The following CDH18 variants were observed in gnomAD, a reference collection of about 807,000 sequenced individuals.
The protein encoded by CDH18 is cadherin 18, also known as cadherin-18.
Under a neutral mutation model 67.9 loss-of-function variants are expected in CDH18, and 31 were observed. The observed-to-expected ratio is 0.46, with a 90% CI of 0.34 to 0.62. The LOEUF (loss-of-function observed/expected upper bound fraction) is 0.62. CDH18 is among the 20% of genes least tolerant of loss of function. The pLI is 0.01. For synonymous variants in CDH18, 362 were observed against 347.2 expected (o/e 1.04, Z -0.48); for missense variants, 890 against 975.5 (o/e 0.91, Z 1.17).
chr5:19,505,855 C>T (rs1208700784), intron 10 of CDH18, among the ~76,000 whole-genome samples: 1 of 152,064 alleles, frequency 6.6e-6, no homozygotes, highest in Non-Finnish European at 1.5e-5. Context: ...GGAGGATTCC[C>T]TATTTTTCTA....
intron 2 of CDH18, among the ~76,000 whole-genome samples, chr5:20,115,584 A>G (rs1397757875): frequency 6.6e-6 from 1 of 151,880 alleles, no homozygotes; most frequent in African/African-American, 2.4e-5. Context: ...ATTATCCCCC[A>G]AAGGCCCTAC....
chr5:19,554,898 G>C (rs1738113783), intron 8 of CDH18, among the ~76,000 whole-genome samples: 1 of 151,876 alleles, frequency 6.6e-6, no homozygotes, highest in East Asian at 1.9e-4. Context: ...ATCTAAGGGG[G>C]AAAAAAAGCA....
intron 7 of CDH18, among the ~76,000 whole-genome samples, chr5:19,585,831 C>T (rs6877651): frequency 0.2 from 30,835 of 152,068 alleles, 3,399 homozygotes; most frequent in East Asian, 0.39. Context: ...TCTCTCTCCA[C>T]CTCATCACAA....
At chr5:19,621,217 T>A (rs368917298) in intron 5 of CDH18, among the ~76,000 whole-genome samples, 2 of 16,872 alleles carry the variant, frequency 1.2e-4, no homozygotes. Context: ...AGAACCCAGG[T>A]TTTTTTTTTT....
intron 8 of CDH18, among the ~76,000 whole-genome samples, chr5:19,555,732 G>A (rs943322546): frequency 6.6e-6 from 1 of 152,138 alleles, no homozygotes; most frequent in African/African-American, 2.4e-5. Context: ...GAGCCGTATG[G>A]CTCTGTTGAC....
rs1382210279 is a variant in CDH18, at chr5:19,963,381, T to A, written c.-257+17679A>T. On this transcript the variant is annotated intron_variant, in intron 2 of 12. Coordinates refer to ENST00000382275, the MANE Select transcript of CDH18 (RefSeq NM_004934.5). ...GCCTGGATAATCAATATGGTTTGGC[T>A]GTGTCCCCACCCAAATCTCATCTTG... is the stretch of plus-strand genomic sequence containing the variant. Among the ~76,000 whole-genome samples the A allele has an allele frequency of 4.6e-5, 7 of 152,214 alleles. No individual in the cohort carries two copies. In the East Asian group the frequency reaches 1.4e-3, roughly 30 times the overall value.
chr5:20,042,679 A>C (rs905647566), intron 2 of CDH18, among the ~76,000 whole-genome samples: 1 of 152,140 alleles, frequency 6.6e-6, no homozygotes, highest in African/African-American at 2.4e-5. Context: ...AAAACATTTT[A>C]TGGGCCGGGT....
At chr5:20,199,584 A>G (rs1415348035) in intron 2 of CDH18, among the ~76,000 whole-genome samples, 1 of 152,070 alleles carries the variant, frequency 6.6e-6, no homozygotes, top group Non-Finnish European at 1.5e-5. Context: ...TTTTTGGTTA[A>G]TTCTGGAATG....
At chr5:19,927,047 C>T (rs1160839864) in intron 2 of CDH18, among the ~76,000 whole-genome samples, 1 of 152,128 alleles carries the variant, frequency 6.6e-6, no homozygotes. Flanking sequence ...TTGGCCTTGA[C>T]AGTGTCGAGA....
chr5:20,231,872 TG>T (rs1456453381), intron 2 of CDH18, among the ~76,000 whole-genome samples: 1 of 152,054 alleles, frequency 6.6e-6, no homozygotes, highest in East Asian at 1.9e-4. Flanking sequence ...CATGAATGTC[TG>T]TACTATAAAA....
chr5:19,826,235 GA>G (rs1378421010), intron 3 of CDH18, among the ~76,000 whole-genome samples: 1 of 152,104 alleles, frequency 6.6e-6, no homozygotes, highest in Non-Finnish European at 1.5e-5. Flanking sequence ...ATTATGTAAA[GA>G]GACCAAATCT....
intron 2 of CDH18, among the ~76,000 whole-genome samples, chr5:20,172,999 AAAAAG>A (rs550689060): frequency 1.3e-3 from 195 of 152,088 alleles, no homozygotes; most frequent in Middle Eastern, 6.8e-3. Context: ...TCAAAAAAAA[AAAAAG>A]AAAGAAAGAA....
chr5:19,554,291 T>C (rs1684834), intron 8 of CDH18, among the ~76,000 whole-genome samples: 8,592 of 152,272 alleles, frequency 0.056, 263 homozygotes, highest in African/African-American at 0.076. Flanking sequence ...ATATCAGAAA[T>C]TGCATTAATC....
At chr5:19,730,208 A>G (rs1767408687) in intron 4 of CDH18, among the ~76,000 whole-genome samples, 1 of 152,122 alleles carries the variant, frequency 6.6e-6, no homozygotes, top group Non-Finnish European at 1.5e-5. Flanking sequence ...ACAGGGTACT[A>G]TTTGACTTTT....
Position 20,480,550 on chromosome 5 carries a change from TG to T in CDH18, c.-580+94911del, listed in dbSNP as rs199738916. Among the ~76,000 whole-genome samples the T allele has an allele frequency of 3.0e-3, 452 of 152,190 alleles. 5 individuals are homozygous for T. The highest frequency in any genetic ancestry group is 0.026 in the Admixed American group (401 of 15,282). On this transcript the variant is annotated intron_variant, in intron 1 of 14. Coordinates refer to the CDH18 transcript ENST00000507958. ...CTCATGCTTTTGCCTCCCAAGTAGC[TG>T]GGATTACAGGTATGTGCCACCACAC...
chr5:20,348,143 T>C (rs548837711), intron 1 of CDH18, among the ~76,000 whole-genome samples: 2 of 152,302 alleles, frequency 1.3e-5, no homozygotes, highest in African/African-American at 4.8e-5. Context: ...GATCTTCTAG[T>C]AAATTTGTGG....
intron 12 of CDH18, among the ~76,000 whole-genome samples, chr5:19,474,427 A>G (rs1219041024): frequency 6.6e-6 from 1 of 152,008 alleles, no homozygotes; most frequent in East Asian, 1.9e-4. Flanking sequence ...GCTTTACTCT[A>G]TTTTTAACCC....
intron 2 of CDH18, among the ~76,000 whole-genome samples, chr5:19,839,475 T>C (rs1782032909): frequency 6.6e-6 from 1 of 152,220 alleles, no homozygotes; most frequent in Non-Finnish European, 1.5e-5. Flanking sequence ...TTCTTGTTTT[T>C]GTTAGACATA....
chr5:20,379,600 A>G (rs1165514951), intron 1 of CDH18, among the ~76,000 whole-genome samples: 1 of 152,274 alleles, frequency 6.6e-6, no homozygotes, highest in South Asian at 2.1e-4. Context: ...ATATGTGATG[A>G]AAAATAAAAA....
Sources: allele counts gnomAD v4.1 joint callset (sites outside exome capture counted in the v4.1 genomes callset), GRCh38; gene constraint gnomAD v4.1.1; transcripts MANE v1.5; gene names NCBI Gene and HGNC (gene_info 2026-07-23, HGNC 2026-07-21).